AFG2A: variants seen among roughly 807,000 people sequenced by gnomAD.
The protein encoded by AFG2A is AAA ATPase AFG2A.
chr4:123,097,698 G>C, the AFG2A span, among the ~76,000 whole-genome samples: 1 of 152,112 alleles, frequency 6.6e-6, no homozygotes, highest in Admixed American at 6.6e-5. Flanking sequence ...CCCCTTCCAA[G>C]TTTTGGCTTT....
chr4:123,180,399 T>C, the AFG2A span, among the ~76,000 whole-genome samples: 136 of 152,306 alleles, frequency 8.9e-4, no homozygotes, highest in Middle Eastern at 3.4e-3. Flanking sequence ...AAACTTGTGG[T>C]TGACACTGTA....
At chr4:123,288,784 C>G in the AFG2A span, among the ~76,000 whole-genome samples, 1 of 152,130 alleles carries the variant, frequency 6.6e-6, no homozygotes, top group African/African-American at 2.4e-5. Context: ...CGACCTCATT[C>G]CTGCTGATTC....
chr4:123,020,109 T>G, the AFG2A span, among the ~76,000 whole-genome samples: 1 of 152,206 alleles, frequency 6.6e-6, no homozygotes, highest in Non-Finnish European at 1.5e-5. Flanking sequence ...GCGTCATGCT[T>G]TTCTTTTTTT....
chr4:123,298,352 G>T, the AFG2A span, among the ~76,000 whole-genome samples: 1 of 152,172 alleles, frequency 6.6e-6, no homozygotes, highest in Admixed American at 6.5e-5. Flanking sequence ...TCTCTTCATC[G>T]AGACGGAATC....
chr4:122,985,896 A>G, the AFG2A span, among the ~76,000 whole-genome samples: 1,834 of 151,428 alleles, frequency 0.012, 43 homozygotes, highest in African/African-American at 0.041. Flanking sequence ...CAGACCTTCC[A>G]ATGTAGGTGC....
the AFG2A span, among the ~76,000 whole-genome samples, chr4:123,067,503 C>T: frequency 1.1e-4 from 17 of 151,258 alleles, no homozygotes; most frequent in Non-Finnish European, 2.1e-4. Context: ...GGCAACGGGG[C>T]GAGACTCCAT....
At chr4:122,966,260 T>C in the AFG2A span, among the ~76,000 whole-genome samples, 66,235 of 152,102 alleles carry the variant, frequency 0.44, 17,144 homozygotes, top group Non-Finnish European at 0.57. Flanking sequence ...CAGGATCTCT[T>C]ACGTTTTTAT....
At chr4:122,956,924 A>G in the AFG2A span, among the ~76,000 whole-genome samples, 27 of 152,184 alleles carry the variant, frequency 1.8e-4, 1 homozygote, top group Admixed American at 1.8e-3. Flanking sequence ...GCAGGGTGGT[A>G]TAGTGTAGAA....
At chr4:123,291,213 G>A in the AFG2A span, among the ~76,000 whole-genome samples, 2 of 152,100 alleles carry the variant, frequency 1.3e-5, no homozygotes, top group African/African-American at 4.8e-5. Flanking sequence ...TTACCAGTTA[G>A]GTGGGTCCCT....
At chr4:123,228,872 A>C in the AFG2A span, among the ~76,000 whole-genome samples, 1 of 151,998 alleles carries the variant, frequency 6.6e-6, no homozygotes. Context: ...ATTGGAGGCT[A>C]TTTGTTGTGG....
chr4:123,148,475 T>A, the AFG2A span, among the ~76,000 whole-genome samples: 1 of 152,172 alleles, frequency 6.6e-6, no homozygotes, highest in African/African-American at 2.4e-5. Context: ...CAGTGGATAA[T>A]GGAGTTGATC....
the AFG2A span, among the ~76,000 whole-genome samples, chr4:123,252,374 T>C: frequency 1.3e-5 from 2 of 152,136 alleles, no homozygotes; most frequent in African/African-American, 4.8e-5. Flanking sequence ...AACTATGAGA[T>C]TGTGAAATGG....
At chr4:123,040,463 T>A in the AFG2A span, among the ~76,000 whole-genome samples, 6 of 152,318 alleles carry the variant, frequency 3.9e-5, no homozygotes, top group South Asian at 1.2e-3. Context: ...AAGAAGAATA[T>A]GTGACAAAGA....
At chr4:123,137,460 A>G in the AFG2A span, among the ~76,000 whole-genome samples, 1 of 152,202 alleles carries the variant, frequency 6.6e-6, no homozygotes, top group East Asian at 1.9e-4. Context: ...TGCACCCTCT[A>G]CATCTCTTGG....
At chr4:122,957,535 T>C in the AFG2A span, among the ~76,000 whole-genome samples, 1 of 152,206 alleles carries the variant, frequency 6.6e-6, no homozygotes, top group Non-Finnish European at 1.5e-5. Context: ...TTTACTATGA[T>C]GTGTGCATTG....
At chr4:122,963,544 A>G in the AFG2A span, among the ~76,000 whole-genome samples, 1 of 152,198 alleles carries the variant, frequency 6.6e-6, no homozygotes, top group African/African-American at 2.4e-5. Context: ...TTTGTAGTTG[A>G]GGAAACTTAT....
At chr4:123,093,465 G>A in the AFG2A span, among the ~76,000 whole-genome samples, 2 of 152,172 alleles carry the variant, frequency 1.3e-5, no homozygotes, top group Non-Finnish European at 2.9e-5. Context: ...TTAGGCCAAT[G>A]AGCATTGAGC....
chr4:123,236,885 T>C, the AFG2A span, among the ~76,000 whole-genome samples: 4 of 152,210 alleles, frequency 2.6e-5, no homozygotes, highest in Non-Finnish European at 2.9e-5. Context: ...CCTGTGCACA[T>C]TGAGGTTTGA....
the AFG2A span, among the ~76,000 whole-genome samples, chr4:122,988,279 T>G: frequency 1.3e-5 from 2 of 151,716 alleles, no homozygotes; most frequent in Non-Finnish European, 1.5e-5. Context: ...TTAATCTATT[T>G]GGAGTTCTTT....
Sources: allele counts gnomAD v4.1 joint callset (sites outside exome capture counted in the v4.1 genomes callset), GRCh38; gene constraint gnomAD v4.1.1; transcripts MANE v1.5; gene names NCBI Gene and HGNC (gene_info 2026-07-23, HGNC 2026-07-21).